The following SPTB variants were observed in gnomAD, a reference collection of about 807,000 sequenced individuals.
SPTB encodes spectrin beta chain, erythrocytic.
SPTB carries 45 observed loss-of-function variants against 256.2 expected under a neutral mutation model. The ratio of observed to expected loss-of-function variants is 0.18; its 90% CI spans 0.14 to 0.23. SPTB has a LOEUF of 0.23. SPTB is among the 10% of genes least tolerant of loss of function. The pLI is 1.00. For missense variants in SPTB, 2,715 were observed against 3,040.4 expected (o/e 0.89, Z 2.52); for synonymous variants, 1,231 against 1,243.1 (o/e 0.99, Z 0.21).
At position 64,778,524 on chromosome 14, in the gene SPTB, CCA is replaced by C. The variant is rs2082401321; in HGVS notation, c.4563+631_4563+632del. On this transcript the variant is annotated intron_variant, in intron 22 of 35. Transcript: ENST00000644917. This position sits in a 1 kb window ranked among gnomAD's most constrained non-coding sequence, Gnocchi z 5.2. ...TTCAGGCTCCCACTGCAGCCCTGAC[CCA>C]AGAGGGAGTGCTTGGCATCTGCTCA... 6.6e-6 allele frequency among the ~76,000 whole-genome samples: 1 copy of C among 152,154 alleles called. No homozygotes were observed. The highest frequency in any genetic ancestry group is 1.5e-5 in the Non-Finnish European group (1 of 68,034).
chr14:64,750,988 TTATA>T (rs886708993), intron 33 of SPTB, among the ~76,000 whole-genome samples: 10 of 145,362 alleles, frequency 6.9e-5, no homozygotes, highest in Admixed American at 4.2e-4. Flanking sequence ...ATTTTATACA[TTATA>T]TATAATACAT....
chr14:64,772,651 C>T lies in SPTB; in HGVS notation c.5482G>A (p.Ala1828Thr), dbSNP rs370441240. ...RELPEDVGLDASTAESFHRVH... is the reference protein window; with the variant it reads ...RELPEDVGLDTSTAESFHRVH... ...CGGTGGAAGGACTCGGCCGTGCTGG[C>T]GTCCAGCCCCACGTCCTCGGGCAGC... The change falls in exon 26 of 36, where the codon GCC (alanine) becomes ACC (threonine). Residue 1828 changes from alanine to threonine, a missense_variant. Ala to Thr is a moderately conservative substitution (Grantham distance 58). Coordinates refer to ENST00000644917, the MANE Select transcript of SPTB (RefSeq NM_001355436.2). The surrounding 1 kb of genome is among the most constrained non-coding windows in gnomAD (Gnocchi z 5.4). 5.6e-6 allele frequency: 9 copies of T among 1,613,210 alleles called. No homozygotes were observed. Among genetic ancestry groups the T allele is most frequent in the Middle Eastern group, 1.7e-4 (1 of 6,060 alleles).
Position 64,795,191 on chromosome 14 carries a change from A to T in SPTB, c.1644+146T>A. 2.1e-6 allele frequency: 2 copies of T among 932,306 alleles called. No homozygotes were observed. The highest frequency in any genetic ancestry group is 3.2e-6 in the Non-Finnish European group (2 of 626,790). The allele number at this position is 932,306 out of a possible 1,614,324, so 57.8% of individuals were successfully genotyped here. A position where few individuals can be genotyped will look rare whatever the true frequency, so the allele number is the denominator to read the frequency against. ...AAGAGGCAGAGAGGCAGGTGCAGCT[A>T]GACACTTTGCTGCCTCAGTTTCTCT... On this transcript the variant is annotated intron_variant, in intron 12 of 35. Transcript: ENST00000644917. This position sits in a 1 kb window ranked among gnomAD's most constrained non-coding sequence, Gnocchi z 6.5.
Position 64,775,127 on chromosome 14 carries a change from T to C in SPTB, c.4840A>G (p.Lys1614Glu), listed in dbSNP as rs775215288. Residue 1614 changes from lysine to glutamate, a missense_variant and splice_region_variant, in exon 23 of 36, where the codon AAG becomes GAG. Transcript: ENST00000644917. This position sits in a 1 kb window ranked among gnomAD's most constrained non-coding sequence, Gnocchi z 5.0. ...ELYVISDEIPKDEEGAIVMLK... is the reference protein window; with the variant it reads ...ELYVISDEIPEDEEGAIVMLK... ...TGGTATCCCCTGCCCGAACAGACCT[T>C]GGGGATCTCATCGGAGATGACGTAG... 4 of 1,613,878 alleles carry C rather than the reference T, an allele frequency of 2.5e-6. No homozygotes were observed. The highest frequency in any genetic ancestry group is 3.4e-6 in the Non-Finnish European group (4 of 1,180,020).
intron 32 of SPTB, 110 bp downstream of exon 32, chr14:64,766,616 C>A (rs367587843): frequency 6.2e-7 from 1 of 1,608,954 alleles, no homozygotes; most frequent in Non-Finnish European, 8.5e-7. Context: ...GGATGGAGGG[C>A]GGGGCTGCGC....
At chr14:64,765,547 G>C (rs35752616) in intron 32 of SPTB, among the ~76,000 whole-genome samples, 7,604 of 152,180 alleles carry the variant, frequency 0.05, 289 homozygotes, top group African/African-American at 0.1. Flanking sequence ...CCTCCTTTCC[G>C]ACAAGTTGGG....
At chr14:64,817,700 G>A (rs1257313697) in intron 2 of SPTB, among the ~76,000 whole-genome samples, 1 of 152,216 alleles carries the variant, frequency 6.6e-6, no homozygotes, top group East Asian at 1.9e-4. Context: ...GCATCCTCCT[G>A]TACATAAGGG....
At chr14:64,822,403 G>GCAAGAGAGAGAGAGGGTGGGGGTGGAGA (rs2083308850) in intron 2 of SPTB, among the ~76,000 whole-genome samples, 2 of 32,624 alleles carry the variant, frequency 6.1e-5, no homozygotes, top group African/African-American at 8.5e-5. Context: ...CACACACACA[G>GCAAGAGAGAGAGAGGGTGGGGGTGGAGA]AGAGATCTAT....
intron 4 of SPTB, among the ~76,000 whole-genome samples, chr14:64,803,270 T>C (rs1054208487): frequency 1.3e-5 from 2 of 152,212 alleles, no homozygotes; most frequent in Admixed American, 1.3e-4. Flanking sequence ...TTTTGCAATT[T>C]TCTGTATCTA....
In SPTB at chr14:64,824,016, A is replaced by G. The variant is rs1023319815; in HGVS notation, c.-51-871T>C. On this transcript the variant is annotated intron_variant, in intron 1 of 35. Coordinates refer to ENST00000644917, the MANE Select transcript of SPTB (RefSeq NM_001355436.2). This position sits in a 1 kb window ranked among gnomAD's most constrained non-coding sequence, Gnocchi z 5.7. ...TTCCTACTCACTCATTCATTCATTT[A>G]CAGTTAATTCAAATATGTACCAAGC... is the stretch of plus-strand genomic sequence containing the variant. Among the ~76,000 whole-genome samples, 2 of 152,170 alleles carry G rather than the reference A, an allele frequency of 1.3e-5. No homozygotes were observed. The highest frequency in any genetic ancestry group is 2.9e-5 in the Non-Finnish European group (2 of 68,028).
chr14:64,837,346 T>C (rs2083540891), intron 1 of SPTB, among the ~76,000 whole-genome samples: 1 of 152,310 alleles, frequency 6.6e-6, no homozygotes, highest in Non-Finnish European at 1.5e-5. Flanking sequence ...AATTCAACTA[T>C]TTACTCAACA....
intron 1 of SPTB, among the ~76,000 whole-genome samples, chr14:64,835,474 G>A (rs2139737584): frequency 6.6e-6 from 1 of 152,268 alleles, no homozygotes; most frequent in African/African-American, 2.4e-5. Context: ...TCGAACTCCT[G>A]ACCTCAGATG....
intron 15 of SPTB, among the ~76,000 whole-genome samples, chr14:64,791,449 C>A (rs2082670456): frequency 6.6e-6 from 1 of 151,698 alleles, no homozygotes; most frequent in Non-Finnish European, 1.5e-5. Flanking sequence ...GCCTGTAATC[C>A]CAGCTACTTG....
intron 32 of SPTB, among the ~76,000 whole-genome samples, chr14:64,765,398 A>T (rs957697192): frequency 6.6e-6 from 1 of 152,062 alleles, no homozygotes; most frequent in African/African-American, 2.4e-5. Context: ...CCTGGGTGAC[A>T]GCCTCCCAGG....
chr14:64,841,860 C>A lies in SPTB; in HGVS notation c.-51-18715G>T, dbSNP rs1346799518. ...AGAGGGTTTCTTGCAGAAGGTGCCC[C>A]AAGGTGTTGCAGTTTGATAACGCTC... On this transcript the variant is annotated intron_variant, in intron 1 of 35. Transcript: ENST00000644917. This position sits in a 1 kb window ranked among gnomAD's most constrained non-coding sequence, Gnocchi z 4.6. 6.6e-6 allele frequency among the ~76,000 whole-genome samples: 1 copy of A among 152,176 alleles called. No individual in the cohort carries two copies. Among genetic ancestry groups the A allele is most frequent in the Non-Finnish European group, 1.5e-5 (1 of 68,044 alleles).
At position 64,758,613 on chromosome 14, in the gene SPTB, C is replaced by T. The variant is rs896344064; in HGVS notation, c.6346-4820G>A. 3.3e-5 allele frequency among the ~76,000 whole-genome samples: 5 copies of T among 152,228 alleles called. No homozygotes were observed. Among genetic ancestry groups the T allele is most frequent in the African/African-American group, 9.6e-5 (4 of 41,460 alleles). On this transcript the variant is annotated intron_variant, in intron 32 of 35. Coordinates refer to ENST00000644917, the MANE Select transcript of SPTB (RefSeq NM_001355436.2). The surrounding 1 kb of genome is among the most constrained non-coding windows in gnomAD (Gnocchi z 4.6). ...TCACAACTTTGTCAAGAAAAGACTT[C>T]GAGGAAGATTGTGTCTAGATATATA...
intron 1 of SPTB, among the ~76,000 whole-genome samples, chr14:64,872,292 C>T (rs1882577049): frequency 6.6e-6 from 1 of 152,162 alleles, no homozygotes; most frequent in Non-Finnish European, 1.5e-5. Flanking sequence ...ATCTCATAAT[C>T]TCTATACTCA....
intron 1 of SPTB, among the ~76,000 whole-genome samples, chr14:64,878,499 T>C (rs529128541): frequency 6.6e-6 from 1 of 152,158 alleles, no homozygotes; most frequent in African/African-American, 2.4e-5. Flanking sequence ...TGGGTTATAG[T>C]GGGGGAAGGG....
rs191616015 is a variant in SPTB, at chr14:64,861,825, G to A, written c.-52+17967C>T. 2.6e-5 allele frequency among the ~76,000 whole-genome samples: 4 copies of A among 152,290 alleles called. No homozygotes were observed. The East Asian group carries it at 7.7e-4, about 29-fold the overall frequency. On this transcript the variant is annotated intron_variant, in intron 1 of 35. Coordinates refer to ENST00000644917, the MANE Select transcript of SPTB (RefSeq NM_001355436.2). Reference sequence around the variant, plus strand: ...ACTTGAGCCTCTTCCAAGGCTAACAGCCTTCACGTACTCCTTTCCGACGTT... The same window carrying A: ...ACTTGAGCCTCTTCCAAGGCTAACAACCTTCACGTACTCCTTTCCGACGTT...
Sources: gnomAD v4.1 joint callset for allele counts (sites outside exome capture counted in the v4.1 genomes callset) on GRCh38, gnomAD v4.1.1 for gene constraint, Gnocchi (gnomAD v3.1) non-coding constraint, MANE v1.5 for transcripts, NCBI Gene and HGNC (gene_info 2026-07-23, HGNC 2026-07-21) for gene names.